CNIH3: variants seen among roughly 807,000 people sequenced by gnomAD.
The protein encoded by CNIH3 is cornichon family AMPA receptor auxiliary protein 3.
CNIH3 carries 14 observed loss-of-function variants against 24.1 expected under a neutral mutation model. The ratio of observed to expected loss-of-function variants is 0.58; its 90% CI spans 0.38 to 0.91. The LOEUF (loss-of-function observed/expected upper bound fraction) is 0.91. Among genes scored for constraint, CNIH3 ranks in the 40% least tolerant of loss-of-function variants. The pLI is 0.00. For synonymous variants in CNIH3, 68 were observed against 73.8 expected (o/e 0.92, Z 0.40); for missense variants, 178 against 196.8 (o/e 0.90, Z 0.57).
At chr1:224,566,518 C>A (rs1197022154) in intron 4 of CNIH3, among the ~76,000 whole-genome samples, 1 of 152,144 alleles carries the variant, frequency 6.6e-6, no homozygotes, top group Non-Finnish European at 1.5e-5. Context: ...CTATCCCTCC[C>A]CTATCCCCCA....
At chr1:224,567,219 G>GT (rs1292635579) in intron 4 of CNIH3, among the ~76,000 whole-genome samples, 2 of 152,190 alleles carry the variant, frequency 1.3e-5, no homozygotes, top group African/African-American at 4.8e-5. Flanking sequence ...GGGTTTGTTT[G>GT]TTTTTTTCTT....
chr1:224,725,026 T>C (rs745914942), intron 3 of CNIH3, among the ~76,000 whole-genome samples: 63 of 151,678 alleles, frequency 4.2e-4, no homozygotes, highest in Non-Finnish European at 8.1e-4. Context: ...CTGGTCAATA[T>C]AGTGAAACCC....
intron 1 of CNIH3, among the ~76,000 whole-genome samples, chr1:224,506,228 C>T (rs1024229341): frequency 3.3e-5 from 5 of 152,160 alleles, no homozygotes; most frequent in Non-Finnish European, 7.3e-5. Flanking sequence ...GTCACCAGGC[C>T]TGGGGCCACA....
At chr1:224,714,058 A>C (rs553035718) in intron 3 of CNIH3, among the ~76,000 whole-genome samples, 52 of 152,120 alleles carry the variant, frequency 3.4e-4, no homozygotes, top group Admixed American at 6.5e-4. Flanking sequence ...CAAGTGATCC[A>C]CCCCACTTGG....
At chr1:224,600,819 T>C (rs760962706) in intron 3 of CNIH3, among the ~76,000 whole-genome samples, 6 of 152,188 alleles carry the variant, frequency 3.9e-5, no homozygotes, top group Non-Finnish European at 7.3e-5. Context: ...GGTGCAACCT[T>C]AATCTGATAG....
upstream of CNIH3, among the ~76,000 whole-genome samples, chr1:224,613,280 C>T (rs1682785457): frequency 6.6e-6 from 1 of 152,206 alleles, no homozygotes; most frequent in Non-Finnish European, 1.5e-5. Flanking sequence ...AGATTACAGG[C>T]ATGAGCCACA....
intron 4 of CNIH3, among the ~76,000 whole-genome samples, chr1:224,580,508 G>A (rs10916648): frequency 0.1 from 15,923 of 152,002 alleles, 934 homozygotes; most frequent in South Asian, 0.24. Context: ...AGGGCAAAGC[G>A]AAAAAAGGAG....
At chr1:224,443,161 A>G (rs1054522447) in intron 1 of CNIH3, among the ~76,000 whole-genome samples, 1 of 152,204 alleles carries the variant, frequency 6.6e-6, no homozygotes, top group Admixed American at 6.5e-5. Context: ...GAGATTTATC[A>G]ATTTAGAACA....
intron 1 of CNIH3, among the ~76,000 whole-genome samples, chr1:224,470,706 C>T (rs542813300): frequency 6.6e-6 from 1 of 152,296 alleles, no homozygotes; most frequent in East Asian, 1.9e-4. Flanking sequence ...GATCCTCCCA[C>T]TTCGGTCTCC....
intron 3 of CNIH3, among the ~76,000 whole-genome samples, chr1:224,697,341 G>GT (rs1280533821): frequency 6.6e-6 from 1 of 152,156 alleles, no homozygotes; most frequent in African/African-American, 2.4e-5. Flanking sequence ...CTTGGCACTT[G>GT]TTTTTTTAAC....
chr1:224,525,408 A>G (rs1173269445), intron 2 of CNIH3, among the ~76,000 whole-genome samples: 3 of 152,194 alleles, frequency 2.0e-5, no homozygotes, highest in Non-Finnish European at 2.9e-5. Flanking sequence ...GGAGCAGTCC[A>G]TATCAGGAAT....
intron 1 of CNIH3, among the ~76,000 whole-genome samples, chr1:224,652,935 A>G: frequency 6.6e-6 from 1 of 152,216 alleles, no homozygotes. Context: ...GGTATTGGGA[A>G]CACAGCAGGA....
intron 1 of CNIH3, among the ~76,000 whole-genome samples, chr1:224,486,039 A>T (rs529228715): frequency 1.3e-5 from 2 of 151,954 alleles, no homozygotes; most frequent in Non-Finnish European, 2.9e-5. Context: ...GATGCATACG[A>T]TATGAAAACT....
intron 4 of CNIH3, among the ~76,000 whole-genome samples, chr1:224,731,929 C>G (rs144824399): frequency 2.1e-3 from 323 of 152,244 alleles, no homozygotes; most frequent in African/African-American, 7.3e-3. Flanking sequence ...GGTTGGCAGG[C>G]AGCTGAGAGT....
At chr1:224,443,708 TA>T (rs1377417079) in intron 1 of CNIH3, among the ~76,000 whole-genome samples, 102 of 148,148 alleles carry the variant, frequency 6.9e-4, no homozygotes, top group African/African-American at 2.1e-3. Flanking sequence ...GATATATATA[TA>T]TATTTTTTTA....
intron 3 of CNIH3, among the ~76,000 whole-genome samples, chr1:224,705,364 G>C (rs1290834296): frequency 2.0e-5 from 3 of 152,220 alleles, no homozygotes; most frequent in Admixed American, 6.5e-5. Flanking sequence ...ACAGGAAGCC[G>C]GGCGCTGGCC....
At chr1:224,730,337 T>G (rs948263341) in intron 3 of CNIH3, 125 bp from the exon 4 acceptor site, 10 of 639,918 alleles carry the variant, frequency 1.6e-5, no homozygotes, top group Non-Finnish European at 2.6e-5. Flanking sequence ...TCTACGTTGC[T>G]GCAGGGAGGG....
Position 224,704,675 on chromosome 1 carries a change from C to T in CNIH3, c.198+19832C>T, listed in dbSNP as rs1217136208. On this transcript the variant is annotated intron_variant, in intron 3 of 5. Coordinates refer to ENST00000272133, the MANE Select transcript of CNIH3 (RefSeq NM_152495.2). This position sits in a 1 kb window ranked among gnomAD's most constrained non-coding sequence, Gnocchi z 4.2. ...GATCTGCATCCCCAAATACATCCTC[C>T]GACATAACCACAATACCATTGTCAC... Among the ~76,000 whole-genome samples, 2 of 152,132 alleles carry T rather than the reference C, an allele frequency of 1.3e-5. No individual in the cohort carries two copies. Among genetic ancestry groups the T allele is most frequent in the South Asian group, 2.1e-4 (1 of 4,826 alleles).
chr1:224,509,847 T>C (rs1484455530), intron 1 of CNIH3, among the ~76,000 whole-genome samples: 1 of 152,108 alleles, frequency 6.6e-6, no homozygotes, highest in Admixed American at 6.6e-5. Flanking sequence ...CCTCCTTCCC[T>C]CCTCAGAGCT....
Sources: gnomAD v4.1 joint callset for allele counts (sites outside exome capture counted in the v4.1 genomes callset) on GRCh38, gnomAD v4.1.1 for gene constraint, Gnocchi (gnomAD v3.1) non-coding constraint, MANE v1.5 for transcripts, NCBI Gene and HGNC (gene_info 2026-07-23, HGNC 2026-07-21) for gene names.